The following GRM8 variants were observed in gnomAD, a reference collection of about 807,000 sequenced individuals.
The protein encoded by GRM8 is glutamate metabotropic receptor 8, also known as metabotropic glutamate receptor 8.
Under a neutral mutation model 87.2 loss-of-function variants are expected in GRM8, and 47 were observed. The observed-to-expected ratio is 0.54, with a 90% confidence interval of 0.43 to 0.69. The LOEUF (loss-of-function observed/expected upper bound fraction) is 0.69, where lower values mean the gene tolerates loss of function less well. GRM8 is among the 30% of genes least tolerant of loss of function. The pLI, the probability that GRM8 is intolerant of heterozygous loss-of-function variation, is 0.00. For synonymous variants in GRM8, 396 were observed against 404.5 expected (o/e 0.98, Z 0.25); for missense variants, 1,019 against 1,139.2 (o/e 0.89, Z 1.52).
At chr7:126,816,845 T>G (rs935487843) in intron 6 of GRM8, among the ~76,000 whole-genome samples, 2 of 151,810 alleles carry the variant, frequency 1.3e-5, no homozygotes, top group Non-Finnish European at 2.9e-5. Context: ...CATCACCCAG[T>G]TGCACAAATT....
At chr7:126,889,301 G>A (rs867852440) in intron 6 of GRM8, among the ~76,000 whole-genome samples, 8 of 152,190 alleles carry the variant, frequency 5.3e-5, no homozygotes, top group Admixed American at 2.6e-4. Flanking sequence ...CCACAGCTAG[G>A]ATGCAGTGTT....
chr7:127,189,951 G>C (rs1030544175), intron 2 of GRM8, among the ~76,000 whole-genome samples: 3 of 152,170 alleles, frequency 2.0e-5, no homozygotes, highest in Admixed American at 1.3e-4. Flanking sequence ...GCATAACAAA[G>C]AGCCACAAAA....
intron 8 of GRM8, among the ~76,000 whole-genome samples, chr7:126,580,501 T>C (rs1212672400): frequency 6.6e-6 from 1 of 152,154 alleles, no homozygotes; most frequent in Non-Finnish European, 1.5e-5. Context: ...TACTTAAGAT[T>C]GATCATGAGC....
chr7:126,767,490 TA>T (rs1445236800), intron 7 of GRM8, among the ~76,000 whole-genome samples: 2 of 152,082 alleles, frequency 1.3e-5, no homozygotes, highest in Non-Finnish European at 2.9e-5. Context: ...TCTTGAAAAA[TA>T]GGTAAGCTTG....
chr7:126,569,035 G>T (rs1196800148), intron 8 of GRM8, among the ~76,000 whole-genome samples: 1 of 152,150 alleles, frequency 6.6e-6, no homozygotes, highest in Non-Finnish European at 1.5e-5. Context: ...AAACAGCAGT[G>T]ATTCAGCCCC....
chr7:126,633,775 T>TATATGTACCATATGA (rs1554430984), intron 7 of GRM8, among the ~76,000 whole-genome samples: 1 of 147,254 alleles, frequency 6.8e-6, no homozygotes. Context: ...TTAATCTATT[T>TATATGTACCATATGA]ATATGTACCA....
intron 2 of GRM8, among the ~76,000 whole-genome samples, chr7:127,181,156 C>G (rs550582249): frequency 6.6e-6 from 1 of 152,032 alleles, no homozygotes. Context: ...TTTCCACATA[C>G]AAGATTAATG....
intron 2 of GRM8, among the ~76,000 whole-genome samples, chr7:127,150,390 G>A (rs1828790945): frequency 6.6e-6 from 1 of 152,026 alleles, no homozygotes; most frequent in African/African-American, 2.4e-5. Context: ...CATGCAGGAG[G>A]GCTCTGTAGA....
intron 8 of GRM8, among the ~76,000 whole-genome samples, chr7:126,566,657 A>G (rs1794244481): frequency 6.6e-6 from 1 of 152,124 alleles, no homozygotes; most frequent in Non-Finnish European, 1.5e-5. Context: ...CTACCCCATG[A>G]CCCAGCAGTC....
At chr7:126,558,937 G>T (rs1354765695) in intron 8 of GRM8, among the ~76,000 whole-genome samples, 2 of 152,112 alleles carry the variant, frequency 1.3e-5, no homozygotes, top group African/African-American at 4.8e-5. Flanking sequence ...AGGAATTCAA[G>T]AATCAAGCTA....
chr7:127,115,928 G>C (rs982298962), intron 2 of GRM8, among the ~76,000 whole-genome samples: 2 of 152,136 alleles, frequency 1.3e-5, no homozygotes, highest in Non-Finnish European at 2.9e-5. Flanking sequence ...ACCATCCTGG[G>C]CAACACAGTG....
rs1817878736 is a variant in GRM8, at chr7:126,763,716, A to G, written c.1357+6149T>C. On this transcript the variant is annotated intron_variant, in intron 7 of 10. Coordinates refer to ENST00000339582, the MANE Select transcript of GRM8 (RefSeq NM_000845.3). ...GTTTGGTAGGAATATTTTTCCTTAA[A>G]ATCACTCTAGTTATTTTTGCTCATT... Among the ~76,000 whole-genome samples the G allele has an allele frequency of 2.0e-5, 3 of 150,544 alleles. No homozygotes were observed. The South Asian group carries it at 6.3e-4, about 32-fold the overall frequency.
intron 3 of GRM8, among the ~76,000 whole-genome samples, chr7:127,057,040 GA>G (rs965756828): frequency 8.7e-5 from 13 of 149,984 alleles, no homozygotes; most frequent in South Asian, 6.3e-4. Flanking sequence ...ACATATGAGT[GA>G]AAAAAAAAAT....
rs139705719 is a variant in GRM8 at position 127,183,479 on chromosome 7, GA to G, written c.510+59215del. On this transcript the variant is annotated intron_variant, in intron 2 of 10. Transcript: ENST00000339582. Reference sequence around the variant, plus strand: ...CAAAGCGGAAGTCTCAAGAGAAACTGAAAATATTCTGAACAAAAATGAAAAC... The same window carrying G: ...CAAAGCGGAAGTCTCAAGAGAAACTGAAATATTCTGAACAAAAATGAAAAC... Among the ~76,000 whole-genome samples the G allele has an allele frequency of 9.9e-4, 150 of 151,834 alleles. 1 individual carries two copies. In the South Asian group the frequency reaches 0.017, roughly 17 times the overall value.
intron 6 of GRM8, among the ~76,000 whole-genome samples, chr7:126,794,921 G>C (rs1821790256): frequency 6.6e-6 from 1 of 152,086 alleles, no homozygotes; most frequent in Admixed American, 6.5e-5. Context: ...TACTCACCTG[G>C]AAAATTTATA....
intron 2 of GRM8, among the ~76,000 whole-genome samples, chr7:127,199,064 C>G (rs1304637486): frequency 6.6e-6 from 1 of 152,112 alleles, no homozygotes; most frequent in African/African-American, 2.4e-5. Context: ...TGGTCTTGAA[C>G]TACTGACCTC....
intron 2 of GRM8, among the ~76,000 whole-genome samples, chr7:127,127,686 C>T (rs17870040): frequency 0.014 from 2,200 of 152,060 alleles, 42 homozygotes; most frequent in African/African-American, 0.05. Flanking sequence ...CGGAAAAATG[C>T]TATATCTTGA....
intron 6 of GRM8, among the ~76,000 whole-genome samples, chr7:126,820,520 G>A (rs1034623612): frequency 3.3e-5 from 5 of 151,622 alleles, no homozygotes; most frequent in African/African-American, 4.9e-5. Context: ...TATTTTTCTG[G>A]CACCCACCTG....
At chr7:126,649,925 A>G (rs960179665) in intron 7 of GRM8, among the ~76,000 whole-genome samples, 2 of 152,212 alleles carry the variant, frequency 1.3e-5, no homozygotes, top group Admixed American at 6.5e-5. Flanking sequence ...TTGTATTTGG[A>G]GCCTTTGGCA....
Sources: gnomAD v4.1 joint callset for allele counts (sites outside exome capture counted in the v4.1 genomes callset) on GRCh38, gnomAD v4.1.1 for gene constraint, MANE v1.5 for transcripts, NCBI Gene and HGNC (gene_info 2026-07-23, HGNC 2026-07-21) for gene names.